NDUFAF6: variants seen among roughly 807,000 people sequenced by gnomAD.
NDUFAF6 encodes NADH:ubiquinone oxidoreductase complex assembly factor 6, also known as NADH dehydrogenase (ubiquinone) complex I, assembly factor 6.
Under a neutral mutation model 40.8 loss-of-function variants are expected in NDUFAF6, and 45 were observed. The observed-to-expected ratio is 1.10, with a 90% CI of 0.87 to 1.42. The LOEUF is 1.42. NDUFAF6 is among the 40% of genes most tolerant of loss of function. NDUFAF6 has a pLI of 0.00. For missense variants in NDUFAF6, 435 were observed against 418.5 expected (o/e 1.04, Z -0.34); for synonymous variants, 185 against 155.9 (o/e 1.19, Z -1.39).
Position 95,058,051 on chromosome 8 carries a change from G to T in NDUFAF6, c.*114G>T. On this transcript the variant is annotated 3_prime_UTR_variant, in exon 9 of 9. Coordinates refer to ENST00000396124, the MANE Select transcript of NDUFAF6 (RefSeq NM_152416.4). ...AAGGAGAAAATGAATTTATTGAATG[G>T]GATGTCAAGTAGCTCACAAAATTGA... 1 of 1,485,766 alleles carries T rather than the reference G, an allele frequency of 6.7e-7. No individual in the cohort carries two copies. The highest frequency in any genetic ancestry group is 8.9e-7 in the Non-Finnish European group (1 of 1,123,756). 92.0% of individuals were successfully genotyped at this position (1,485,766 alleles called of 1,614,324 possible). A position where few individuals can be genotyped will look rare whatever the true frequency, so the allele number is the denominator to read the frequency against.
rs150480416 is a variant in NDUFAF6, at chr8:95,058,081, T to G, written c.*144T>G. The G allele has an allele frequency of 5.6e-4, 825 of 1,465,348 alleles. 2 individuals are homozygous for G. In the African/African-American group the frequency reaches 0.01, roughly 18 times the overall value. 90.8% of individuals were successfully genotyped at this position (1,465,348 alleles called of 1,614,324 possible). ...TCAAGTAGCTCACAAAATTGAGAAG[T>G]TGCCGTGGGACTAGGGTGCCAAGAC... On this transcript the variant is annotated 3_prime_UTR_variant, in exon 9 of 9. Transcript: ENST00000396124.
At chr8:94,897,062 CATG>C (rs1817667713) in intron 1 of NDUFAF6, among the ~76,000 whole-genome samples, 1 of 152,148 alleles carries the variant, frequency 6.6e-6, no homozygotes, top group African/African-American at 2.4e-5. Flanking sequence ...GGTCTAACAG[CATG>C]ATGTCAAGAA....
chr8:95,019,513 C>T (rs993457562), intron 2 of NDUFAF6, among the ~76,000 whole-genome samples: 6 of 152,030 alleles, frequency 3.9e-5, no homozygotes, highest in East Asian at 1.9e-4. Flanking sequence ...TGGAACATTT[C>T]GCAGGTATGC....
At position 94,950,597 on chromosome 8, in the gene NDUFAF6, C is replaced by A. The variant is rs76485686; in HGVS notation, c.-799+4978C>A. Among the ~76,000 whole-genome samples, 603 of 152,292 alleles carry A rather than the reference C, an allele frequency of 4.0e-3. 3 individuals are homozygous for A. Among genetic ancestry groups the A allele is most frequent in the African/African-American group, 0.014 (573 of 41,558 alleles). ...TTGTCAGACACCAAGGAGTAATGATCAAAATATGATGGTCATTGGACCTTA... is the reference window on the plus strand; with the variant it reads ...TTGTCAGACACCAAGGAGTAATGATAAAAATATGATGGTCATTGGACCTTA... On this transcript the variant is annotated intron_variant, in intron 2 of 14. Coordinates refer to the NDUFAF6 transcript ENST00000396113.
chr8:95,060,663 A>G (rs566991183), downstream of NDUFAF6, among the ~76,000 whole-genome samples: 2 of 152,350 alleles, frequency 1.3e-5, no homozygotes, highest in South Asian at 4.1e-4. Flanking sequence ...GTTCAAGGTC[A>G]TGGAGGCATT....
At chr8:95,056,896 ACT>A (rs1400307179) in intron 8 of NDUFAF6, among the ~76,000 whole-genome samples, 7 of 89,886 alleles carry the variant, frequency 7.8e-5, no homozygotes, top group East Asian at 7.4e-4. Flanking sequence ...ACACAGCGAG[ACT>A]CTGTCTCAAA....
chr8:95,097,190 C>T (rs1809492921), upstream of NDUFAF6, among the ~76,000 whole-genome samples: 1 of 152,200 alleles, frequency 6.6e-6, no homozygotes, highest in Admixed American at 6.5e-5. Flanking sequence ...ATACATGATG[C>T]CCCTGGCCTC....
At chr8:95,018,186 G>C (rs895758067) in intron 2 of NDUFAF6, among the ~76,000 whole-genome samples, 2 of 145,562 alleles carry the variant, frequency 1.4e-5, no homozygotes, top group Non-Finnish European at 3.0e-5. Context: ...ACCACAGGTG[G>C]GCACCACCAT....
At chr8:95,064,038 A>ATT (rs1160777112) in intron 9 of NDUFAF6, among the ~76,000 whole-genome samples, 185 of 104,774 alleles carry the variant, frequency 1.8e-3, no homozygotes, top group Non-Finnish European at 2.1e-3. Context: ...CGCCTGGCTA[A>ATT]TTTTTTTTTT....
chr8:95,090,006 CT>C (rs1809196698), intron 2 of NDUFAF6, among the ~76,000 whole-genome samples: 1 of 152,182 alleles, frequency 6.6e-6, no homozygotes, highest in African/African-American at 2.4e-5. Flanking sequence ...TTCCAAGCCC[CT>C]CCTCCAAATG....
intron 1 of NDUFAF6, among the ~76,000 whole-genome samples, chr8:94,977,669 C>T (rs1199621271): frequency 6.6e-6 from 1 of 152,062 alleles, no homozygotes; most frequent in African/African-American, 2.4e-5. Context: ...GGACATCAGA[C>T]TCCAGATTCT....
At chr8:95,077,966 A>G (rs145110498), downstream of NDUFAF6, among the ~76,000 whole-genome samples, 1 of 152,156 alleles carries the variant, frequency 6.6e-6, no homozygotes, top group Non-Finnish European at 1.5e-5. Flanking sequence ...CTGCCTTGGT[A>G]GATGGAGCCA....
At position 94,916,816 on chromosome 8, in the gene NDUFAF6, C is replaced by CAA. The variant is rs549687775; in HGVS notation, c.-936+20904_-936+20905dup. On this transcript the variant is annotated intron_variant, in intron 1 of 14. Transcript: ENST00000396113. Reference sequence around the variant, plus strand: ...TGACAGACAGAGTGAGACTCCATATCAAAAAAAAAAAAAAAAGGCCGGGCG... The same window carrying CAA: ...TGACAGACAGAGTGAGACTCCATATCAAAAAAAAAAAAAAAAAAGGCCGGGCG... Among the ~76,000 whole-genome samples, 194 of 96,654 alleles carry CAA rather than the reference C, an allele frequency of 2.0e-3. 2 individuals are homozygous for CAA. Among genetic ancestry groups the CAA allele is most frequent in the South Asian group, 4.1e-3 (11 of 2,660 alleles). The allele number at this position is 96,654 out of a possible 152,430, so 63.4% of individuals were successfully genotyped here. A position where few individuals can be genotyped will look rare whatever the true frequency, so the allele number is the denominator to read the frequency against.
Position 95,057,847 on chromosome 8 carries a change from G to A in NDUFAF6, c.912G>A (p.Val304=). Residue 304 remains valine, a synonymous_variant, in exon 9 of 9, where the codon GTG becomes GTA. Coordinates refer to ENST00000396124, the MANE Select transcript of NDUFAF6 (RefSeq NM_152416.4). ...ACTTTCTAAAGAAAATTCAGCGAGT[G>A]GATTTTGATATATTCCACCCATCTT... is the stretch of plus-strand genomic sequence containing the variant. The part of the protein sequence containing the change: ...LEDFLKKIQR[V]DFDIFHPSLQ... 3.7e-6 allele frequency: 6 copies of A among 1,611,460 alleles called. No homozygotes were observed. Among genetic ancestry groups the A allele is most frequent in the Non-Finnish European group, 5.1e-6 (6 of 1,178,468 alleles).
Position 95,036,215 on chromosome 8 carries a change from A to T in NDUFAF6, c.420+639A>T, listed in dbSNP as rs1303745350. On this transcript the variant is annotated intron_variant, in intron 3 of 8. Transcript: ENST00000396124. Reference sequence around the variant, plus strand: ...GGATCCCTCACTCATAAGCAGCCACACATGGCTTAGAAATATTCTAAACTA... The same window carrying T: ...GGATCCCTCACTCATAAGCAGCCACTCATGGCTTAGAAATATTCTAAACTA... 8 of 1,079,448 alleles carry T rather than the reference A, an allele frequency of 7.4e-6. No homozygotes were observed. The Admixed American group carries it at 1.4e-4, about 19-fold the overall frequency. The allele number at this position is 1,079,448 out of a possible 1,614,324, so 66.9% of individuals were successfully genotyped here. A position where few individuals can be genotyped will look rare whatever the true frequency, so the allele number is the denominator to read the frequency against.
chr8:95,074,004 G>T (rs1202023587), intron 9 of NDUFAF6, among the ~76,000 whole-genome samples: 2 of 152,146 alleles, frequency 1.3e-5, no homozygotes, highest in African/African-American at 2.4e-5. Flanking sequence ...TTAAAGGATA[G>T]AGTCCTTATT....
intron 1 of NDUFAF6, among the ~76,000 whole-genome samples, chr8:94,971,206 G>A (rs1824433410): frequency 6.6e-6 from 1 of 152,210 alleles, no homozygotes; most frequent in Non-Finnish European, 1.5e-5. Flanking sequence ...CAGTGATGCT[G>A]CCCAGAGGCA....
chr8:95,040,517 A>C (rs531784440), intron 3 of NDUFAF6, among the ~76,000 whole-genome samples: 3 of 152,356 alleles, frequency 2.0e-5, no homozygotes, highest in African/African-American at 7.2e-5. Flanking sequence ...CTTTACTCTT[A>C]TAGTTGCAAA....
At chr8:95,057,538 T>G (rs1383773408) in intron 8 of NDUFAF6, among the ~76,000 whole-genome samples, 3 of 152,226 alleles carry the variant, frequency 2.0e-5, no homozygotes, top group Non-Finnish European at 2.9e-5. Flanking sequence ...GTGATTTTGC[T>G]AATCCTTTTG....
Sources: gnomAD v4.1 joint callset for allele counts (sites outside exome capture counted in the v4.1 genomes callset) on GRCh38, gnomAD v4.1.1 for gene constraint, MANE v1.5 for transcripts, NCBI Gene and HGNC (gene_info 2026-07-23, HGNC 2026-07-21) for gene names.